WDR7: variants seen among roughly 807,000 people sequenced by gnomAD.
WDR7 encodes WD repeat-containing protein 7.
In WDR7, 46 loss-of-function variants were observed where a neutral mutation model predicts 169.4. The ratio of observed to expected loss-of-function variants is 0.27; its 90% confidence interval spans 0.21 to 0.35. WDR7 has a LOEUF of 0.35. Among genes scored for constraint, WDR7 ranks in the 10% least tolerant of loss-of-function variants. The pLI is 1.00. For synonymous variants in WDR7, 612 were observed against 666.8 expected (o/e 0.92, Z 1.27); for missense variants, 1,534 against 1,859.3 (o/e 0.83, Z 3.22).
At chr18:56,728,398 G>T (rs548032250) in intron 13 of WDR7, among the ~76,000 whole-genome samples, 3 of 152,318 alleles carry the variant, frequency 2.0e-5, no homozygotes, top group South Asian at 4.1e-4. Flanking sequence ...GATTTGGTCA[G>T]TGGGAGTCCC....
At chr18:56,704,016 G>A (rs537134192) in intron 12 of WDR7, among the ~76,000 whole-genome samples, 2 of 152,206 alleles carry the variant, frequency 1.3e-5, no homozygotes, top group African/African-American at 2.4e-5. Context: ...TTTTACTACC[G>A]TAATCCTTCA....
chr18:56,999,424 C>T (rs897690488), intron 26 of WDR7, among the ~76,000 whole-genome samples: 3 of 152,242 alleles, frequency 2.0e-5, no homozygotes, highest in South Asian at 2.1e-4. Flanking sequence ...ATGTATTAAA[C>T]TTCAGTTGAA....
intron 21 of WDR7, among the ~76,000 whole-genome samples, chr18:56,881,874 C>T (rs1226986055): frequency 1.3e-5 from 2 of 152,246 alleles, no homozygotes; most frequent in African/African-American, 4.8e-5. Flanking sequence ...GCATGAGCCA[C>T]TGCACCTGGC....
intron 26 of WDR7, among the ~76,000 whole-genome samples, chr18:56,977,776 T>A (rs1216452930): frequency 6.6e-6 from 1 of 152,190 alleles, no homozygotes. Flanking sequence ...AACATCTACA[T>A]AAGTAAAATG....
intron 14 of WDR7, among the ~76,000 whole-genome samples, chr18:56,745,854 A>G (rs1180717372): frequency 6.6e-6 from 1 of 152,120 alleles, no homozygotes; most frequent in Non-Finnish European, 1.5e-5. Context: ...TTGCCCTCCT[A>G]CTTTGAATCC....
chr18:56,861,796 C>T (rs2045807663), intron 20 of WDR7, among the ~76,000 whole-genome samples: 1 of 152,060 alleles, frequency 6.6e-6, no homozygotes. Flanking sequence ...ATCTCTGCTC[C>T]TATGAAAATT....
intron 12 of WDR7, among the ~76,000 whole-genome samples, chr18:56,699,198 G>A (rs1328165473): frequency 2.0e-5 from 3 of 152,156 alleles, no homozygotes; most frequent in Non-Finnish European, 4.4e-5. Flanking sequence ...TGGTTAGGTG[G>A]TTTTATGCAC....
At chr18:56,745,453 G>A (rs897968625) in intron 14 of WDR7, among the ~76,000 whole-genome samples, 1 of 152,144 alleles carries the variant, frequency 6.6e-6, no homozygotes. Context: ...CCATGGCCTG[G>A]GGTAGATGGT....
intron 16 of WDR7, among the ~76,000 whole-genome samples, chr18:56,768,418 A>C (rs1378565519): frequency 6.6e-6 from 1 of 152,204 alleles, no homozygotes; most frequent in Non-Finnish European, 1.5e-5. Context: ...TTTCTATTTT[A>C]ATATTGAAAT....
intron 20 of WDR7, among the ~76,000 whole-genome samples, chr18:56,832,278 C>T (rs2045324448): frequency 6.6e-6 from 1 of 152,224 alleles, no homozygotes; most frequent in African/African-American, 2.4e-5. Context: ...TGTAGAAAGA[C>T]TGCCTCTCTA....
chr18:56,669,507 A>G (rs1423298870), intron 1 of WDR7, among the ~76,000 whole-genome samples: 1 of 152,170 alleles, frequency 6.6e-6, no homozygotes, highest in African/African-American at 2.4e-5. Flanking sequence ...AGATTTTGAT[A>G]CAAACATAAA....
intron 26 of WDR7, among the ~76,000 whole-genome samples, chr18:57,001,741 TG>T (rs1180875319): frequency 1.3e-5 from 2 of 152,166 alleles, no homozygotes; most frequent in African/African-American, 4.8e-5. Context: ...TCTTGCACTG[TG>T]GTTTTTGCCT....
At chr18:57,007,802 T>C (rs2048085668) in intron 26 of WDR7, among the ~76,000 whole-genome samples, 1 of 152,206 alleles carries the variant, frequency 6.6e-6, no homozygotes, top group Non-Finnish European at 1.5e-5. Flanking sequence ...TAGTGTCTCC[T>C]GTCGTTTTAT....
At chr18:56,870,604 AAGAT>A (rs1306558260) in intron 20 of WDR7, among the ~76,000 whole-genome samples, 28 of 152,338 alleles carry the variant, frequency 1.8e-4, no homozygotes, top group South Asian at 8.3e-4. Context: ...GATAATTAAA[AAGAT>A]AGATCTTAAA....
At chr18:56,799,000 C>G (rs918767388) in intron 19 of WDR7, among the ~76,000 whole-genome samples, 1 of 152,128 alleles carries the variant, frequency 6.6e-6, no homozygotes, top group Non-Finnish European at 1.5e-5. Flanking sequence ...TATTTATTAA[C>G]TGCCAAACAG....
intron 26 of WDR7, among the ~76,000 whole-genome samples, chr18:56,995,292 T>A (rs1290856722): frequency 6.6e-6 from 1 of 152,214 alleles, no homozygotes; most frequent in Non-Finnish European, 1.5e-5. Flanking sequence ...TCAAAATGCT[T>A]ATTCCCTGAT....
At chr18:56,762,982 A>T (rs1329924791) in intron 16 of WDR7, among the ~76,000 whole-genome samples, 15 of 149,162 alleles carry the variant, frequency 1.0e-4, no homozygotes, top group African/African-American at 3.0e-4. Flanking sequence ...TGTTTTTGAG[A>T]TGGAGTCTGG....
chr18:56,665,395 CAA>C (rs10611641), intron 1 of WDR7, among the ~76,000 whole-genome samples: 139,469 of 151,884 alleles, frequency 0.92, 65,193 homozygotes, highest in East Asian at 1. Flanking sequence ...GGGGCAAAAA[CAA>C]ACAAACAAAC....
intron 20 of WDR7, among the ~76,000 whole-genome samples, chr18:56,824,206 G>A (rs1385531843): frequency 6.6e-6 from 1 of 152,178 alleles, no homozygotes; most frequent in African/African-American, 2.4e-5. Flanking sequence ...CATATGGGAT[G>A]AAATTCCAAG....
Sources: gnomAD v4.1 joint callset for allele counts (sites outside exome capture counted in the v4.1 genomes callset) on GRCh38, gnomAD v4.1.1 for gene constraint, MANE v1.5 for transcripts, NCBI Gene and HGNC (gene_info 2026-07-23, HGNC 2026-07-21) for gene names.